Variants in PSD3 observed in about 807,000 individuals in gnomAD.
PSD3 encodes PH and SEC7 domain-containing protein 3.
Under a neutral mutation model 105.5 loss-of-function variants are expected in PSD3, and 49 were observed. The observed-to-expected ratio is 0.46, with a 90% confidence interval of 0.37 to 0.59. The LOEUF (loss-of-function observed/expected upper bound fraction) is 0.59. PSD3 is among the 20% of genes least tolerant of loss of function. The probability of loss-of-function intolerance (pLI) is 0.00; values close to 1 mark genes in which losing one functional copy is unlikely to be tolerated. For missense variants in PSD3, 1,561 were observed against 1,263.8 expected (o/e 1.24, Z -3.57); for synonymous variants, 557 against 457.8 (o/e 1.22, Z -2.77).
At chr8:18,847,631 A>G (rs1005793361) in intron 4 of PSD3, among the ~76,000 whole-genome samples, 2 of 152,224 alleles carry the variant, frequency 1.3e-5, no homozygotes, top group African/African-American at 4.8e-5. Context: ...GGAATACACC[A>G]TGTGAATTAT....
At chr8:18,606,563 T>C (rs1804848644) in intron 11 of PSD3, among the ~76,000 whole-genome samples, 2 of 152,326 alleles carry the variant, frequency 1.3e-5, no homozygotes, top group Admixed American at 6.5e-5. Context: ...GCATTTTTCT[T>C]TCCTTCTTTT....
At chr8:18,929,027 T>A (rs145874825) in intron 2 of PSD3, among the ~76,000 whole-genome samples, 12 of 152,180 alleles carry the variant, frequency 7.9e-5, no homozygotes, top group Non-Finnish European at 1.6e-4. Context: ...CCTGTGGTGA[T>A]GGATGATGCA....
At position 18,762,819 on chromosome 8, in the gene PSD3, A is replaced by G. The variant is rs368052297; in HGVS notation, c.2172+2630T>C. The G allele has an allele frequency of 3.4e-5, 24 of 701,588 alleles. No individual in the cohort carries two copies. In the East Asian group the frequency reaches 7.9e-4, roughly 23 times the overall value. The allele number at this position is 701,588 out of a possible 1,614,324, so 43.5% of individuals were successfully genotyped here. The stretch of plus-strand genomic sequence containing the variant: ...AGCTTCTCATTTCTCACACATTTAA[A>G]TATGTCAAGGTCTATTTTTTCTTAA... On this transcript the variant is annotated intron_variant, in intron 9 of 15. Transcript: ENST00000327040.
At chr8:19,039,829 G>C (rs761812267) in intron 1 of PSD3, among the ~76,000 whole-genome samples, 4 of 152,206 alleles carry the variant, frequency 2.6e-5, no homozygotes, top group Non-Finnish European at 4.4e-5. Flanking sequence ...GAATGAAGGA[G>C]AAAAGTCCCC....
intron 1 of PSD3, among the ~76,000 whole-genome samples, chr8:19,048,104 T>C (rs1251485871): frequency 6.6e-6 from 1 of 152,194 alleles, no homozygotes; most frequent in Non-Finnish European, 1.5e-5. Flanking sequence ...AGTTTTCAAG[T>C]CATCCTCCTG....
intron 11 of PSD3, among the ~76,000 whole-genome samples, chr8:18,628,054 A>G (rs943864002): frequency 2.6e-5 from 4 of 152,022 alleles, no homozygotes; most frequent in African/African-American, 9.7e-5. Context: ...GAAGTAAATG[A>G]AGAATAAAAA....
At chr8:18,853,747 G>C (rs1177555335) in intron 4 of PSD3, among the ~76,000 whole-genome samples, 1 of 152,102 alleles carries the variant, frequency 6.6e-6, no homozygotes, top group Non-Finnish European at 1.5e-5. Context: ...GCTCAAATTA[G>C]TGACCTTCCA....
rs187574167 is a variant in PSD3, at chr8:18,586,242, T to C, written c.2482-10957A>G. On this transcript the variant is annotated intron_variant, in intron 12 of 15. Transcript: ENST00000327040. ...GCTGGGATGGGAGTAGTGAAAGAGG[T>C]TGAGCGAATGGAGACTGTGAGGACT... Among the ~76,000 whole-genome samples the C allele has an allele frequency of 9.2e-4, 140 of 152,238 alleles. 3 individuals carry two copies. The highest frequency in any genetic ancestry group is 7.5e-3 in the Admixed American group (115 of 15,284).
chr8:18,746,495 T>G (rs966680287), intron 9 of PSD3, among the ~76,000 whole-genome samples: 1 of 152,192 alleles, frequency 6.6e-6, no homozygotes, highest in Non-Finnish European at 1.5e-5. Context: ...CACACCAGCG[T>G]GGCCAAGGGA....
At chr8:18,536,588 C>T (rs1369702968) in intron 15 of PSD3, among the ~76,000 whole-genome samples, 1 of 152,162 alleles carries the variant, frequency 6.6e-6, no homozygotes, top group Non-Finnish European at 1.5e-5. Context: ...CTGCTATGAA[C>T]AGTATGAAGC....
intron 1 of PSD3, among the ~76,000 whole-genome samples, chr8:18,977,272 A>AG (rs1382390051): frequency 1.3e-5 from 2 of 151,550 alleles, no homozygotes; most frequent in Admixed American, 6.6e-5. Flanking sequence ...AAAAAAAAAA[A>AG]AAAAAAAATT....
At chr8:18,801,656 C>T (rs1380179162) in intron 6 of PSD3, among the ~76,000 whole-genome samples, 2 of 151,976 alleles carry the variant, frequency 1.3e-5, no homozygotes, top group Non-Finnish European at 2.9e-5. Context: ...ATGGCGAAAC[C>T]CCATCTCTAC....
chr8:18,933,755 A>C (rs1207241569), intron 2 of PSD3, among the ~76,000 whole-genome samples: 1 of 152,212 alleles, frequency 6.6e-6, no homozygotes, highest in Non-Finnish European at 1.5e-5. Flanking sequence ...GGTGTGAGCA[A>C]CTACGCCAGG....
intron 10 of PSD3, among the ~76,000 whole-genome samples, chr8:18,643,317 A>C (rs1050186146): frequency 6.6e-6 from 1 of 152,198 alleles, no homozygotes; most frequent in African/African-American, 2.4e-5. Flanking sequence ...AGCCTTGCCT[A>C]ATGGTTGGGG....
At chr8:18,821,175 TC>T (rs1441548932) in intron 4 of PSD3, among the ~76,000 whole-genome samples, 3 of 123,438 alleles carry the variant, frequency 2.4e-5, no homozygotes, top group Non-Finnish European at 5.6e-5. Flanking sequence ...ATTTTGAAAT[TC>T]TTTTTTTTTT....
At chr8:18,966,775 A>G (rs1402661451) in intron 1 of PSD3, among the ~76,000 whole-genome samples, 1 of 152,126 alleles carries the variant, frequency 6.6e-6, no homozygotes, top group African/African-American at 2.4e-5. Flanking sequence ...ATTTGAATAG[A>G]TGGTCATTTA....
At chr8:18,690,959 A>G (rs1213804309) in intron 9 of PSD3, among the ~76,000 whole-genome samples, 1 of 152,186 alleles carries the variant, frequency 6.6e-6, no homozygotes, top group Non-Finnish European at 1.5e-5. Context: ...AATCTAAGCT[A>G]AATCAACCTT....
chr8:19,061,582 C>T (rs1021553920), intron 1 of PSD3, among the ~76,000 whole-genome samples: 8 of 151,808 alleles, frequency 5.3e-5, no homozygotes, highest in Non-Finnish European at 8.8e-5. Flanking sequence ...CCAAGGTGGG[C>T]GGATCAAGAG....
At chr8:18,583,284 G>C (rs1802941875) in intron 12 of PSD3, among the ~76,000 whole-genome samples, 1 of 152,100 alleles carries the variant, frequency 6.6e-6, no homozygotes, top group Non-Finnish European at 1.5e-5. Context: ...ACAAATAATA[G>C]AAAAATTAGT....
Sources: gnomAD v4.1 joint callset for allele counts (sites outside exome capture counted in the v4.1 genomes callset) on GRCh38, gnomAD v4.1.1 for gene constraint, MANE v1.5 for transcripts, NCBI Gene and HGNC (gene_info 2026-07-23, HGNC 2026-07-21) for gene names.